The following PALLD variants were observed in gnomAD, a reference collection of about 807,000 sequenced individuals.
PALLD encodes palladin.
PALLD carries 61 observed loss-of-function variants against 123.5 expected under a neutral mutation model. The observed-to-expected ratio is 0.49, with a 90% confidence interval of 0.40 to 0.61. The LOEUF (loss-of-function observed/expected upper bound fraction) is 0.61, where lower values mean the gene tolerates loss of function less well. PALLD is among the 20% of genes least tolerant of loss of function. The probability of loss-of-function intolerance (pLI) is 0.00; values close to 1 mark genes in which losing one functional copy is unlikely to be tolerated. For synonymous variants in PALLD, 465 were observed against 496.4 expected (o/e 0.94, Z 0.84); for missense variants, 1,273 against 1,377.0 (o/e 0.92, Z 1.20).
intron 10 of PALLD, among the ~76,000 whole-genome samples, chr4:168,773,399 C>G (rs1259186347): frequency 3.9e-5 from 6 of 152,162 alleles, no homozygotes. Flanking sequence ...CTTTTTAAAA[C>G]CATGCTCCTT....
intron 10 of PALLD, among the ~76,000 whole-genome samples, chr4:168,748,389 A>G (rs1258906101): frequency 1.3e-5 from 2 of 152,252 alleles, no homozygotes; most frequent in African/African-American, 4.8e-5. Context: ...TCAGACAAGC[A>G]TAACCAGATT....
intron 10 of PALLD, among the ~76,000 whole-genome samples, chr4:168,788,848 C>A (rs1368449587): frequency 6.6e-6 from 1 of 152,034 alleles, no homozygotes; most frequent in African/African-American, 2.4e-5. Context: ...ATTAAAAAAT[C>A]TATTTTAAAA....
intron 10 of PALLD, among the ~76,000 whole-genome samples, chr4:168,848,148 C>A (rs1465525410): frequency 6.9e-6 from 1 of 145,456 alleles, no homozygotes; most frequent in Non-Finnish European, 1.5e-5. Context: ...ACCCTACCCC[C>A]GTCCCACCCC....
At chr4:168,564,168 G>A (rs1178830923) in intron 2 of PALLD, among the ~76,000 whole-genome samples, 1 of 152,132 alleles carries the variant, frequency 6.6e-6, no homozygotes, top group African/African-American at 2.4e-5. Flanking sequence ...GACTCACAGG[G>A]AATTCACTCA....
intron 2 of PALLD, among the ~76,000 whole-genome samples, chr4:168,547,009 T>C (rs1352620852): frequency 6.6e-6 from 1 of 152,216 alleles, no homozygotes; most frequent in Admixed American, 6.5e-5. Flanking sequence ...TTTTTCCCTA[T>C]TAAATTTTAC....
chr4:168,598,213 G>A (rs764354662), intron 2 of PALLD: 7 of 372,932 alleles, frequency 1.9e-5, no homozygotes, highest in Non-Finnish European at 2.7e-5. Flanking sequence ...TCTAGTCCAT[G>A]CCAGCCTCCA....
intron 11 of PALLD, among the ~76,000 whole-genome samples, chr4:168,891,835 A>G (rs574618135): frequency 6.6e-6 from 1 of 152,276 alleles, no homozygotes; most frequent in East Asian, 1.9e-4. Context: ...CATGGTATGT[A>G]CTACTTACAC....
Position 168,511,769 on chromosome 4 carries a change from C to T in PALLD, c.265C>T (p.His89Tyr), listed in dbSNP as rs749406229. The T allele has an allele frequency of 3.1e-6, 5 of 1,614,164 alleles. No individual in the cohort carries two copies. Among genetic ancestry groups the T allele is most frequent in the Non-Finnish European group, 1.7e-6 (2 of 1,180,046 alleles). ...PSHKETKLGE[H>Y]ASRRPQDNRS... is the part of the protein sequence containing the mutation. The stretch of plus-strand genomic sequence containing the variant: ...CCATAAGGAGACCAAATTGGGTGAA[C>T]ACGCCTCGAGGAGACCTCAGGATAA... Residue 89 changes from histidine to tyrosine, a missense_variant, in exon 2 of 22, where the codon CAC (histidine) becomes TAC (tyrosine). His to Tyr is a moderately conservative substitution (Grantham distance 83). Around this residue, in one of 2 missense-constraint regions of PALLD, gnomAD observed 944 missense variants for 954.5 expected, o/e 0.99. Transcript: ENST00000505667.
At chr4:168,785,337 C>T (rs991127338) in intron 10 of PALLD, among the ~76,000 whole-genome samples, 2 of 152,076 alleles carry the variant, frequency 1.3e-5, no homozygotes, top group Non-Finnish European at 2.9e-5. Context: ...GTTCCTGCCT[C>T]CTCTACTGGT....
intron 10 of PALLD, among the ~76,000 whole-genome samples, chr4:168,787,612 T>C (rs1187196466): frequency 1.3e-5 from 2 of 152,234 alleles, no homozygotes; most frequent in African/African-American, 4.8e-5. Flanking sequence ...AGTAGAGATA[T>C]AGGACATTTA....
intron 10 of PALLD, among the ~76,000 whole-genome samples, chr4:168,853,918 T>A (rs945154287): frequency 2.0e-5 from 3 of 152,166 alleles, no homozygotes; most frequent in African/African-American, 7.2e-5. Flanking sequence ...AGCTCTGACT[T>A]CTGCGGTTCT....
At chr4:168,761,653 T>TG (rs1732907655) in intron 10 of PALLD, among the ~76,000 whole-genome samples, 3 of 37,582 alleles carry the variant, frequency 8.0e-5, no homozygotes, top group Non-Finnish European at 1.8e-4. Context: ...TTGTTTTTTT[T>TG]TTTTTTTTTT....
intron 10 of PALLD, among the ~76,000 whole-genome samples, chr4:168,833,494 C>A (rs1242316497): frequency 6.6e-6 from 1 of 152,016 alleles, no homozygotes; most frequent in Non-Finnish European, 1.5e-5. Context: ...AGGGACCGAC[C>A]CAAGCTTCAG....
Position 168,794,500 on chromosome 4 carries a change from A to ACACG in PALLD, c.1964+82580_1964+82581insGCAC, listed in dbSNP as rs1554083974. On this transcript the variant is annotated intron_variant, in intron 10 of 21. Transcript: ENST00000505667. ...CACGCACACACACATGCACGCACACACACACGCACACACACACACACACAC... is the reference window on the plus strand; with the variant it reads ...CACGCACACACACATGCACGCACACACACGCACACGCACACACACACACACACAC... 1.1e-3 allele frequency among the ~76,000 whole-genome samples: 134 copies of ACACG among 126,606 alleles called. 2 individuals carry two copies. In the East Asian group the frequency reaches 0.026, roughly 25 times the overall value. The allele number at this position is 126,606 out of a possible 152,430, so 83.1% of individuals were successfully genotyped here. A position where few individuals can be genotyped will look rare whatever the true frequency, so the allele number is the denominator to read the frequency against.
At chr4:168,594,222 G>T (rs1771749609) in intron 2 of PALLD, among the ~76,000 whole-genome samples, 1 of 152,194 alleles carries the variant, frequency 6.6e-6, no homozygotes, top group East Asian at 1.9e-4. Context: ...TAACGATAGT[G>T]TAAGTAGAAG....
intron 10 of PALLD, chr4:168,756,498 G>A (rs1284596045): frequency 6.4e-6 from 1 of 156,572 alleles, no homozygotes; most frequent in Non-Finnish European, 1.4e-5. Flanking sequence ...AAGTAGTGAT[G>A]AGGTTTCAAG....
intron 2 of PALLD, among the ~76,000 whole-genome samples, chr4:168,522,521 T>C (rs1763655633): frequency 1.3e-5 from 2 of 152,228 alleles, no homozygotes; most frequent in African/African-American, 4.8e-5. Context: ...TTAAGTACTT[T>C]TCAACATGTT....
intron 14 of PALLD, among the ~76,000 whole-genome samples, chr4:168,899,084 T>C (rs1755883024): frequency 6.6e-6 from 1 of 152,176 alleles, no homozygotes; most frequent in East Asian, 1.9e-4. Context: ...CCCAGTGCTC[T>C]GTACCATACA....
intron 10 of PALLD, among the ~76,000 whole-genome samples, chr4:168,851,569 T>G (rs1164655280): frequency 6.6e-6 from 1 of 152,144 alleles, no homozygotes; most frequent in East Asian, 1.9e-4. Context: ...GGTTTCACCA[T>G]GCTGGCCAGG....
Sources: allele counts gnomAD v4.1 joint callset (sites outside exome capture counted in the v4.1 genomes callset), GRCh38; gene constraint gnomAD v4.1.1; regional missense constraint gnomAD v4.1.1; transcripts MANE v1.5; gene names NCBI Gene and HGNC (gene_info 2026-07-23, HGNC 2026-07-21).